DPCD: variants seen among roughly 807,000 people sequenced by gnomAD.
The protein encoded by DPCD is deleted in primary ciliary dyskinesia homolog (mouse).
In DPCD, 20 loss-of-function variants were observed where a neutral mutation model predicts 26.4. That is an observed-to-expected ratio of 0.76 (90% CI 0.53 to 1.10). DPCD has a LOEUF of 1.10. Among genes scored for constraint, DPCD ranks in the 50% least tolerant of loss-of-function variants. DPCD has a pLI of 0.00. For missense variants in DPCD, 202 were observed against 253.9 expected (o/e 0.80, Z 1.39); for synonymous variants, 97 against 94.2 (o/e 1.03, Z -0.17).
chr10:101,606,503 G>C (rs2063734074), intron 4 of DPCD, among the ~76,000 whole-genome samples: 1 of 152,100 alleles, frequency 6.6e-6, no homozygotes, highest in South Asian at 2.1e-4. Context: ...TTTTTGTAGA[G>C]ACAGGGTCTC....
At chr10:101,598,589 A>C (rs2063669850) in intron 2 of DPCD, among the ~76,000 whole-genome samples, 1 of 149,952 alleles carries the variant, frequency 6.7e-6, no homozygotes, top group African/African-American at 2.4e-5. Flanking sequence ...TTTTAAAAAT[A>C]CAGACATTGG....
Position 101,608,932 on chromosome 10 carries a change from A to G in DPCD, c.502A>G (p.Ile168Val), listed in dbSNP as rs2063752720. Reference protein sequence around the residue: ...SFAHANCTLIISYQKPKEVVV... With the variant: ...SFAHANCTLIVSYQKPKEVVV... ...TGCCCACGCCAACTGCACCCTGATC[A>G]TCTCTGTAAGATTCACCCAGACTTC... The change falls in exon 5 of 6, where the codon ATC (isoleucine) becomes GTC (valine). Residue 168 changes from isoleucine to valine, a missense_variant. This residue lies in a region of DPCD where 118 missense variants were observed against 145.1 expected (regional missense o/e 0.81). Coordinates refer to ENST00000370151, the MANE Select transcript of DPCD (RefSeq NM_015448.3). The G allele has an allele frequency of 6.2e-7, 1 of 1,612,044 alleles. No homozygotes were observed. Among genetic ancestry groups the G allele is most frequent in the East Asian group, 2.2e-5 (1 of 44,842 alleles).
At chr10:101,594,842 T>C (rs1254015773) in intron 2 of DPCD, 104 bp downstream of exon 2, 11 of 1,112,832 alleles carry the variant, frequency 9.9e-6, no homozygotes, top group East Asian at 7.2e-5. Context: ...CCAGATCAAA[T>C]GTAGAGGCTG....
chr10:101,598,050 A>C (rs746605843), intron 2 of DPCD, among the ~76,000 whole-genome samples: 2 of 152,250 alleles, frequency 1.3e-5, no homozygotes, highest in Admixed American at 6.5e-5. Flanking sequence ...TAAGGTCAGA[A>C]GTAAGGAAAT....
intron 2 of DPCD, among the ~76,000 whole-genome samples, chr10:101,595,556 C>T (rs893050025): frequency 5.3e-5 from 8 of 152,126 alleles, no homozygotes; most frequent in African/African-American, 1.4e-4. Context: ...TGGGCCTGAT[C>T]GACAGGTAGT....
chr10:101,595,676 T>G (rs1214853255), intron 2 of DPCD, among the ~76,000 whole-genome samples: 2 of 152,190 alleles, frequency 1.3e-5, no homozygotes, highest in East Asian at 1.9e-4. Context: ...CTTAAAATGT[T>G]TGTCCTGCGC....
chr10:101,588,526 C>A, intron 1 of DPCD, 126 bp downstream of exon 1: 1 of 1,485,490 alleles, frequency 6.7e-7, no homozygotes, highest in Non-Finnish European at 8.9e-7. Context: ...CCAGGTCCTG[C>A]ATTTGCAGAT....
intron 4 of DPCD, among the ~76,000 whole-genome samples, chr10:101,605,717 C>T (rs1392351425): frequency 6.6e-6 from 1 of 152,164 alleles, no homozygotes; most frequent in Non-Finnish European, 1.5e-5. Flanking sequence ...TTGAACATCC[C>T]CACCTCCCAC....
intron 4 of DPCD, among the ~76,000 whole-genome samples, chr10:101,602,721 G>A (rs2063706615): frequency 6.6e-6 from 1 of 152,204 alleles, no homozygotes; most frequent in Admixed American, 6.5e-5. Context: ...GCATTCCTTG[G>A]TGGAAGAGGC....
At chr10:101,605,992 G>A (rs963417250) in intron 4 of DPCD, among the ~76,000 whole-genome samples, 1 of 152,188 alleles carries the variant, frequency 6.6e-6, no homozygotes, top group Non-Finnish European at 1.5e-5. Context: ...TTAGAACCTG[G>A]CACAGAATAA....
chr10:101,594,474 G>C (rs2063635132), intron 1 of DPCD, among the ~76,000 whole-genome samples, 184 bp from the exon 2 acceptor site: 1 of 152,196 alleles, frequency 6.6e-6, no homozygotes, highest in Admixed American at 6.5e-5. Flanking sequence ...TTCAGAAAGG[G>C]AGAGAGTCTC....
rs764772208 is a variant in DPCD at position 101,609,452 on chromosome 10, G to A, written c.593G>A (p.Gly198Glu). The A allele has an allele frequency of 1.6e-5, 26 of 1,613,952 alleles. No homozygotes were observed. The highest frequency in any genetic ancestry group is 8.3e-5 in the Admixed American group (5 of 60,004). Residue 198 changes from glycine (G) to glutamate (E), a missense_variant, in exon 6 of 6, where the codon GGG becomes GAG. By Grantham distance (98) the Gly-to-Glu change is moderately conservative. This residue lies in a region of DPCD where 118 missense variants were observed against 145.1 expected (regional missense o/e 0.81). Transcript: ENST00000370151. ...GTGAAGACAGCCCACAGCAACGATG[G>A]GGACTGCAAGACCCAGTAGTTGGCC... ...KKVKTAHSND[G>E]DCKTQ
intron 2 of DPCD, among the ~76,000 whole-genome samples, chr10:101,597,724 A>G (rs986382154): frequency 1.3e-5 from 2 of 152,236 alleles, no homozygotes; most frequent in Non-Finnish European, 2.9e-5. Context: ...TGGGTTTAAC[A>G]TATAATCAAA....
intron 4 of DPCD, chr10:101,605,144 A>G (rs2063724869): frequency 6.4e-7 from 1 of 1,550,434 alleles, no homozygotes; most frequent in Non-Finnish European, 8.7e-7. Context: ...CTAAAGGCGG[A>G]CTGGTTGGAG....
chr10:101,600,875 G>T lies in DPCD; in HGVS notation c.270+13G>T. The T allele has an allele frequency of 1.2e-6, 2 of 1,613,996 alleles. No individual in the cohort carries two copies. The highest frequency in any genetic ancestry group is 1.7e-6 in the Non-Finnish European group (2 of 1,179,998). On this transcript the variant is annotated intron_variant, in intron 3 of 5. Transcript: ENST00000370151. This position sits in a 1 kb window ranked among gnomAD's most constrained non-coding sequence, Gnocchi z 4.7. Reference sequence around the variant, plus strand: ...AAGCAATGCCAATGTACGTCCATCTGTCCAGGTGTCTTGCACGGACTGAGG... The same window carrying T: ...AAGCAATGCCAATGTACGTCCATCTTTCCAGGTGTCTTGCACGGACTGAGG...
At chr10:101,609,039 C>T (rs1815478043) in intron 5 of DPCD, 102 bp downstream of exon 5, 4 of 1,008,798 alleles carry the variant, frequency 4.0e-6, no homozygotes, top group Non-Finnish European at 6.2e-6. Context: ...AGCCCCAAGC[C>T]CTAGGGTATG....
rs138981039 is a variant in DPCD, at chr10:101,609,471, G to T, written c.612G>T (p.Ter204TyrextTer?). 1.4e-4 allele frequency: 226 copies of T among 1,613,860 alleles called. 1 individual carries two copies. The African/African-American group carries it at 2.8e-3, about 20-fold the overall frequency. The change falls in exon 6 of 6, where the codon TAG (stop) becomes TAT (tyrosine). Residue 204 changes from the stop codon to tyrosine, a stop_lost. Coordinates refer to ENST00000370151, the MANE Select transcript of DPCD (RefSeq NM_015448.3). ...ACGATGGGGACTGCAAGACCCAGTA[G>T]TTGGCCCCTGAGCCTTATACCTCCA... ...HSNDGDCKTQ[*>Y]
chr10:101,602,653 A>G (rs962501675), intron 4 of DPCD, among the ~76,000 whole-genome samples: 4 of 152,228 alleles, frequency 2.6e-5, no homozygotes, highest in Non-Finnish European at 5.9e-5. Context: ...AGTGGAATTT[A>G]GCAATTTCAG....
At chr10:101,604,191 G>C (rs116760311) in intron 4 of DPCD, among the ~76,000 whole-genome samples, 11 of 152,196 alleles carry the variant, frequency 7.2e-5, no homozygotes, top group East Asian at 1.9e-4. Flanking sequence ...TCATCATTCT[G>C]TCAGGAGGTG....
Sources: gnomAD v4.1 joint callset for allele counts (sites outside exome capture counted in the v4.1 genomes callset) on GRCh38, gnomAD v4.1.1 for gene constraint, gnomAD v4.1.1 regional missense constraint, Gnocchi (gnomAD v3.1) non-coding constraint, MANE v1.5 for transcripts, NCBI Gene and HGNC (gene_info 2026-07-23, HGNC 2026-07-21) for gene names.